Variants in AFG1L observed in about 807,000 individuals in gnomAD.
AFG1L encodes AFG1 like ATPase.
A neutral mutation model predicts 62.2 loss-of-function variants in AFG1L; 53 were observed. That is an observed-to-expected ratio of 0.85 (90% CI 0.68 to 1.07). The LOEUF (loss-of-function observed/expected upper bound fraction) is 1.07, where lower values mean the gene tolerates loss of function less well. AFG1L is among the 50% of genes least tolerant of loss of function. AFG1L has a pLI of 0.00. For synonymous variants in AFG1L, 228 were observed against 210.3 expected, an observed-to-expected ratio of 1.08 and a Z score of -0.73; for missense variants, 555 against 590.5, an observed-to-expected ratio of 0.94 and a Z score of 0.62.
At chr6:108,496,320 A>G (rs1424445181) in intron 10 of AFG1L, among the ~76,000 whole-genome samples, 2 of 152,308 alleles carry the variant, frequency 1.3e-5, no homozygotes, top group East Asian at 1.9e-4. Flanking sequence ...TAAGCATTCA[A>G]TAGTTATAAT....
intron 7 of AFG1L, among the ~76,000 whole-genome samples, chr6:108,416,208 C>G (rs1770263646): frequency 6.6e-6 from 1 of 152,112 alleles, no homozygotes; most frequent in Non-Finnish European, 1.5e-5. Context: ...AATGCAAATC[C>G]AAACCACAAA....
In AFG1L at chr6:108,323,999, A is replaced by C; in HGVS notation, c.314A>C (p.His105Pro). 21 of 1,614,234 alleles carry C rather than the reference A, an allele frequency of 1.3e-5. No individual in the cohort carries two copies. The highest frequency in any genetic ancestry group is 1.8e-5 in the Non-Finnish European group (21 of 1,180,016). Residue 105 changes from histidine (H) to proline (P), a missense_variant, in exon 2 of 13, where the codon CAC becomes CCC. His to Pro is a moderately conservative substitution (Grantham distance 77). Coordinates refer to ENST00000368977, the MANE Select transcript of AFG1L (RefSeq NM_145315.5). ...RRVIQCLQKL[H>P]EDLKGYNIEA... ...GTCATACAGTGTTTGCAGAAATTACACGAGGACCTTAAAGGATACAATATA... is the reference window on the plus strand; with the variant it reads ...GTCATACAGTGTTTGCAGAAATTACCCGAGGACCTTAAAGGATACAATATA...
rs76525647 is a variant in AFG1L at position 108,382,932 on chromosome 6, A to T, written c.748+16600A>T. Among the ~76,000 whole-genome samples the T allele has an allele frequency of 6.2e-3, 949 of 152,330 alleles. 10 individuals are homozygous for T. Among genetic ancestry groups the T allele is most frequent in the African/African-American group, 0.022 (909 of 41,574 alleles). On this transcript the variant is annotated intron_variant, in intron 6 of 12. Coordinates refer to ENST00000368977, the MANE Select transcript of AFG1L (RefSeq NM_145315.5). Reference sequence around the variant, plus strand: ...ACAACAAAAGATACTGCAGCAATAAATCTAATTCTTAAAAGGTGAAAGAAG... The same window carrying T: ...ACAACAAAAGATACTGCAGCAATAATTCTAATTCTTAAAAGGTGAAAGAAG...
At position 108,358,587 on chromosome 6, in the gene AFG1L, C is replaced by T. The variant is rs569801591; in HGVS notation, c.648+1767C>T. 3.0e-4 allele frequency among the ~76,000 whole-genome samples: 45 copies of T among 152,246 alleles called. No individual in the cohort carries two copies. In the South Asian group the frequency reaches 9.3e-3, roughly 32 times the overall value. ...CACTCTTGTTGCCTAGACTGGAATG[C>T]AATGGCGTGATCTTGGCTCACTGCA... On this transcript the variant is annotated intron_variant, in intron 5 of 12. Coordinates refer to ENST00000368977, the MANE Select transcript of AFG1L (RefSeq NM_145315.5).
intron 1 of AFG1L, chr6:108,319,676 A>C (rs1346092586): frequency 3.3e-6 from 1 of 301,866 alleles, no homozygotes; most frequent in Non-Finnish European, 6.6e-6. Context: ...AGGTATGATC[A>C]TGGTGCTCTG....
At position 108,400,610 on chromosome 6, in the gene AFG1L, TAATAATTTATATAA is replaced by T. The variant is rs1429374311; in HGVS notation, c.749-1370_749-1357del. Among the ~76,000 whole-genome samples the T allele has an allele frequency of 1.8e-4, 24 of 134,250 alleles. 1 individual carries two copies. The highest frequency in any genetic ancestry group is 1.3e-3 in the South Asian group (6 of 4,676). 88.1% of individuals were successfully genotyped at this position (134,250 alleles called of 152,430 possible). A position where few individuals can be genotyped will look rare whatever the true frequency, so the allele number is the denominator to read the frequency against. On this transcript the variant is annotated intron_variant, in intron 6 of 12. Coordinates refer to ENST00000368977, the MANE Select transcript of AFG1L (RefSeq NM_145315.5). ...AATATATAATTTATATATTTATATATAATAATTTATATAAAATAATTTATATAAATTATAATTTA... is the reference window on the plus strand; with the variant it reads ...AATATATAATTTATATATTTATATATAATAATTTATATAAATTATAATTTA...
At chr6:108,522,143 G>A in intron 12 of AFG1L, 154 bp from the exon 13 acceptor site, 1 of 551,822 alleles carries the variant, frequency 1.8e-6, no homozygotes. Flanking sequence ...TGACTCTCTA[G>A]TCTCATTTAA....
chr6:108,346,293 T>C (rs139724392), intron 2 of AFG1L, among the ~76,000 whole-genome samples: 84 of 152,292 alleles, frequency 5.5e-4, no homozygotes, highest in African/African-American at 1.9e-3. Flanking sequence ...CTTGTAAAAC[T>C]GAAACTCTGA....
At chr6:108,516,916 A>T (rs1774919075) in intron 11 of AFG1L, among the ~76,000 whole-genome samples, 1 of 152,170 alleles carries the variant, frequency 6.6e-6, no homozygotes, top group Non-Finnish European at 1.5e-5. Flanking sequence ...CTTCAAAGAG[A>T]AAAAAATACC....
intron 3 of AFG1L, among the ~76,000 whole-genome samples, chr6:108,348,367 G>A (rs1291397508): frequency 6.6e-6 from 1 of 152,190 alleles, no homozygotes; most frequent in African/African-American, 2.4e-5. Flanking sequence ...CATGAGCCAT[G>A]GCGCCCAGCC....
intron 10 of AFG1L, among the ~76,000 whole-genome samples, chr6:108,481,945 A>T (rs1773334719): frequency 6.6e-6 from 1 of 152,234 alleles, no homozygotes; most frequent in Non-Finnish European, 1.5e-5. Context: ...ATGAAATAAG[A>T]CTGTCATTTC....
chr6:108,488,242 T>C (rs1181028629), intron 10 of AFG1L, among the ~76,000 whole-genome samples: 2 of 152,222 alleles, frequency 1.3e-5, no homozygotes, highest in Admixed American at 6.5e-5. Flanking sequence ...TTCTAGGAAC[T>C]GTAGTGGGTA....
intron 7 of AFG1L, among the ~76,000 whole-genome samples, chr6:108,403,380 A>C (rs1405482611): frequency 6.6e-6 from 1 of 152,166 alleles, no homozygotes; most frequent in African/African-American, 2.4e-5. Flanking sequence ...TTTGACGTGT[A>C]CTTTGGTTGG....
intron 7 of AFG1L, among the ~76,000 whole-genome samples, chr6:108,445,919 G>T (rs1771767661): frequency 2.0e-5 from 3 of 152,124 alleles, no homozygotes; most frequent in South Asian, 4.1e-4. Flanking sequence ...CATGCTGTTG[G>T]AAAATTGAGG....
At chr6:108,511,124 AAGGAGG>A (rs552164631) in intron 11 of AFG1L, among the ~76,000 whole-genome samples, 37 of 148,542 alleles carry the variant, frequency 2.5e-4, no homozygotes, top group Admixed American at 5.4e-4. Flanking sequence ...GAAGAAGTAG[AAGGAGG>A]AGGAGGAGGA....
At chr6:108,386,456 C>T (rs1375460080) in intron 6 of AFG1L, among the ~76,000 whole-genome samples, 4 of 148,568 alleles carry the variant, frequency 2.7e-5, no homozygotes, top group Non-Finnish European at 5.9e-5. Context: ...AGCAAAACTC[C>T]ATCTCAAAAA....
At chr6:108,295,888 A>G (rs1477323015) in intron 1 of AFG1L, 2 of 152,156 alleles carry the variant, frequency 1.3e-5, no homozygotes, top group African/African-American at 2.4e-5. Flanking sequence ...AGGCAAGGAC[A>G]TTGTGTCATT....
chr6:108,497,331 A>G (rs906154330), intron 10 of AFG1L, among the ~76,000 whole-genome samples: 2 of 152,118 alleles, frequency 1.3e-5, no homozygotes, highest in African/African-American at 4.8e-5. Flanking sequence ...CTTTATTACT[A>G]CTGAGCTTGA....
chr6:108,445,505 C>A (rs1215145489), intron 7 of AFG1L, among the ~76,000 whole-genome samples: 2 of 152,024 alleles, frequency 1.3e-5, no homozygotes, highest in Non-Finnish European at 2.9e-5. Flanking sequence ...TTAATCATTT[C>A]TAGCTTTTGG....
Sources: allele counts gnomAD v4.1 joint callset (sites outside exome capture counted in the v4.1 genomes callset), GRCh38; gene constraint gnomAD v4.1.1; transcripts MANE v1.5; gene names NCBI Gene and HGNC (gene_info 2026-07-23, HGNC 2026-07-21).